Variants in GLI3 observed in about 807,000 individuals in gnomAD.
The protein encoded by GLI3 is GLI family zinc finger 3.
Under a neutral mutation model 100.8 loss-of-function variants are expected in GLI3, and 20 were observed. That is an observed-to-expected ratio of 0.20 (90% CI 0.14 to 0.29). The LOEUF (loss-of-function observed/expected upper bound fraction) is 0.29. GLI3 is among the 10% of genes least tolerant of loss of function. GLI3 has a pLI of 1.00. For synonymous variants in GLI3, 938 were observed against 860.5 expected (o/e 1.09, Z -1.58); for missense variants, 2,040 against 2,128.5 (o/e 0.96, Z 0.82).
chr7:42,044,427 G>A (rs1172760555), intron 6 of GLI3, among the ~76,000 whole-genome samples: 3 of 152,100 alleles, frequency 2.0e-5, no homozygotes, highest in African/African-American at 7.2e-5. Context: ...TCTGATGAGA[G>A]GTAATTATAG....
intron 3 of GLI3, among the ~76,000 whole-genome samples, chr7:42,128,055 C>T (rs1583581101): frequency 1.4e-5 from 2 of 145,934 alleles, no homozygotes; most frequent in African/African-American, 5.0e-5. Context: ...AGGAAGGAAA[C>T]AAATTTAAAA....
intron 10 of GLI3, among the ~76,000 whole-genome samples, chr7:42,003,005 T>A (rs1745263030): frequency 6.6e-6 from 1 of 152,220 alleles, no homozygotes; most frequent in Non-Finnish European, 1.5e-5. Context: ...AGAGCCTGTA[T>A]TGTTACAGGA....
At chr7:42,022,671 A>G (rs1255408013) in intron 10 of GLI3, among the ~76,000 whole-genome samples, 1 of 152,210 alleles carries the variant, frequency 6.6e-6, no homozygotes, top group Non-Finnish European at 1.5e-5. Flanking sequence ...CCTCCACGTC[A>G]GCCAATCCTG....
intron 2 of GLI3, among the ~76,000 whole-genome samples, chr7:42,189,427 T>G (rs1787782638): frequency 6.6e-6 from 1 of 152,236 alleles, no homozygotes; most frequent in Admixed American, 6.5e-5. Context: ...ATAGTTAGCA[T>G]TTCAGAACTC....
intron 3 of GLI3, among the ~76,000 whole-genome samples, chr7:42,120,600 T>C (rs1217699485): frequency 6.6e-6 from 1 of 152,220 alleles, no homozygotes; most frequent in Non-Finnish European, 1.5e-5. Flanking sequence ...CCTTGATGTC[T>C]TGTAGAGGGG....
At chr7:42,093,540 G>A (rs1211503720) in intron 3 of GLI3, among the ~76,000 whole-genome samples, 1 of 152,002 alleles carries the variant, frequency 6.6e-6, no homozygotes, top group African/African-American at 2.4e-5. Context: ...TTAAATTTGG[G>A]TTTTCACACA....
chr7:41,979,359 T>A (rs1787595024), intron 10 of GLI3, among the ~76,000 whole-genome samples: 1 of 152,208 alleles, frequency 6.6e-6, no homozygotes, highest in African/African-American at 2.4e-5. Flanking sequence ...GACTGTGTGG[T>A]CATCAACAAA....
chr7:42,009,378 T>C (rs1788545090), intron 10 of GLI3, among the ~76,000 whole-genome samples: 1 of 152,104 alleles, frequency 6.6e-6, no homozygotes, highest in Non-Finnish European at 1.5e-5. Context: ...TTCTCTAGAA[T>C]TGACTTGACC....
intron 6 of GLI3, among the ~76,000 whole-genome samples, chr7:42,040,689 A>G (rs1013548777): frequency 6.6e-6 from 1 of 152,086 alleles, no homozygotes; most frequent in African/African-American, 2.4e-5. Context: ...AAAGTATCCT[A>G]AGATTAAAAA....
At chr7:42,212,641 T>C (rs1301787217) in intron 2 of GLI3, among the ~76,000 whole-genome samples, 1 of 152,232 alleles carries the variant, frequency 6.6e-6, no homozygotes, top group African/African-American at 2.4e-5. Context: ...TAATAGACGC[T>C]AATGAATTTG....
intron 3 of GLI3, among the ~76,000 whole-genome samples, chr7:42,092,814 TG>T (rs869306693): frequency 0.025 from 2,486 of 98,478 alleles, 42 homozygotes; most frequent in African/African-American, 0.058. Context: ...TATTTATTTA[TG>T]TATTTATGTA....
intron 3 of GLI3, among the ~76,000 whole-genome samples, chr7:42,082,539 C>G (rs988033289): frequency 6.6e-6 from 1 of 152,148 alleles, no homozygotes; most frequent in Non-Finnish European, 1.5e-5. Context: ...GTGCTACCCC[C>G]ACAGGGCCCC....
intron 1 of GLI3, among the ~76,000 whole-genome samples, chr7:42,246,137 C>T (rs1403130795): frequency 6.6e-6 from 1 of 152,236 alleles, no homozygotes; most frequent in South Asian, 2.1e-4. Context: ...CCCTTACCAA[C>T]TTCCACCTCA....
At chr7:42,120,582 C>G (rs959426580) in intron 3 of GLI3, among the ~76,000 whole-genome samples, 1 of 152,176 alleles carries the variant, frequency 6.6e-6, no homozygotes, top group African/African-American at 2.4e-5. Context: ...CTGTTTATTA[C>G]CCCCTCTCCT....
At chr7:42,060,731 A>AAGG (rs1455649045) in intron 4 of GLI3, among the ~76,000 whole-genome samples, 1 of 152,194 alleles carries the variant, frequency 6.6e-6, no homozygotes, top group Non-Finnish European at 1.5e-5. Context: ...ATTGACACCC[A>AAGG]ATAGTGTAGA....
intron 1 of GLI3, among the ~76,000 whole-genome samples, chr7:42,244,575 G>A (rs1788954105): frequency 6.6e-6 from 1 of 152,150 alleles, no homozygotes; most frequent in Non-Finnish European, 1.5e-5. Flanking sequence ...AAAATGAAGT[G>A]GAGAATTGAG....
At chr7:42,117,024 AC>A (rs1562739251) in intron 3 of GLI3, among the ~76,000 whole-genome samples, 1 of 152,370 alleles carries the variant, frequency 6.6e-6, no homozygotes, top group Non-Finnish European at 1.5e-5. Context: ...CAAGGCTACA[AC>A]ATGCTGGTGC....
rs1262069857 is a variant in GLI3 at position 42,173,815 on chromosome 7, C to A, written c.125-25347G>T. Among the ~76,000 whole-genome samples the A allele has an allele frequency of 7.9e-5, 12 of 152,196 alleles. No homozygotes were observed. The South Asian group carries it at 1.9e-3, about 24-fold the overall frequency. ...GGAAGCAAAGTACACGCTAAGAGAA[C>A]TCAAGAACAGAAGCAGAGCTGGTCT... On this transcript the variant is annotated intron_variant, in intron 2 of 14. Transcript: ENST00000395925.
intron 7 of GLI3, among the ~76,000 whole-genome samples, chr7:42,027,608 T>C (rs1205079956): frequency 6.6e-6 from 1 of 152,194 alleles, no homozygotes; most frequent in Admixed American, 6.5e-5. Flanking sequence ...TTAATGTGAC[T>C]CTACATTTTG....
Sources: gnomAD v4.1 joint callset for allele counts (sites outside exome capture counted in the v4.1 genomes callset) on GRCh38, gnomAD v4.1.1 for gene constraint, MANE v1.5 for transcripts, NCBI Gene and HGNC (gene_info 2026-07-23, HGNC 2026-07-21) for gene names.